Variants in CBFA2T3 observed in about 807,000 individuals in gnomAD.
CBFA2T3 encodes the protein CBFA2/RUNX1 partner transcriptional co-repressor 3, also known as transcriptional corepressor CBFA2T3.
Under a neutral mutation model 58.6 loss-of-function variants are expected in CBFA2T3, and 31 were observed. The observed-to-expected ratio is 0.53, with a 90% CI of 0.40 to 0.71. The LOEUF (loss-of-function observed/expected upper bound fraction) is 0.71. Among genes scored for constraint, CBFA2T3 ranks in the 30% least tolerant of loss-of-function variants. The probability of loss-of-function intolerance (pLI) is 0.00; values close to 1 mark genes in which losing one functional copy is unlikely to be tolerated. For missense variants in CBFA2T3, 1,076 were observed against 963.1 expected, an observed-to-expected ratio of 1.12 and a Z score of -1.55; for synonymous variants, 531 against 421.9, an observed-to-expected ratio of 1.26 and a Z score of -3.17.
Position 88,875,573 on chromosome 16 carries a change from CCG to C in CBFA2T3, c.*1401_*1402del, listed in dbSNP as rs1304207877. The C allele has an allele frequency of 1.0e-4, 24 of 233,280 alleles. No homozygotes were observed. Among genetic ancestry groups the C allele is most frequent in the African/African-American group, 5.3e-4 (24 of 45,110 alleles). The allele number at this position is 233,280 out of a possible 1,614,324, so 14.5% of individuals were successfully genotyped here. On this transcript the variant is annotated 3_prime_UTR_variant, in exon 12 of 12. Transcript: ENST00000268679. The stretch of plus-strand genomic sequence containing the variant: ...GAGTAGCTGCGGTGGGGCGATGGGG[CCG>C]AGAGGTTGGAGTTGGGGCGATGGGG...
chr16:88,909,620 T>A (rs1393214698), intron 1 of CBFA2T3, among the ~76,000 whole-genome samples: 1 of 152,186 alleles, frequency 6.6e-6, no homozygotes, highest in East Asian at 1.9e-4. Context: ...AACAGCTGTT[T>A]ATTTTCCTTC....
chr16:88,962,871 G>A (rs952219040), intron 1 of CBFA2T3, among the ~76,000 whole-genome samples: 6 of 152,214 alleles, frequency 3.9e-5, no homozygotes, highest in Non-Finnish European at 7.3e-5. Context: ...GAATTCCCAG[G>A]TCCACTCGGA....
chr16:88,968,499 G>A (rs546190877), intron 1 of CBFA2T3, among the ~76,000 whole-genome samples: 1 of 152,362 alleles, frequency 6.6e-6, no homozygotes, highest in Admixed American at 6.5e-5. Flanking sequence ...GGTGGGAGAA[G>A]CCCCTGGGGG....
intron 1 of CBFA2T3, among the ~76,000 whole-genome samples, chr16:88,972,226 G>C (rs1972672998): frequency 6.6e-6 from 1 of 152,168 alleles, no homozygotes; most frequent in Non-Finnish European, 1.5e-5. Context: ...GAGGGAGGGA[G>C]GGAGGTGCAC....
At chr16:88,893,743 GC>G (rs1298214883) in intron 3 of CBFA2T3, among the ~76,000 whole-genome samples, 3 of 152,238 alleles carry the variant, frequency 2.0e-5, no homozygotes, top group Non-Finnish European at 4.4e-5. Context: ...CAGACATGGG[GC>G]TGCTATGGAA....
At chr16:88,881,591 G>C in intron 8 of CBFA2T3, 102 bp from the exon 9 acceptor site, 1 of 1,220,932 alleles carries the variant, frequency 8.2e-7, no homozygotes, top group Non-Finnish European at 1.1e-6. Flanking sequence ...ATGGGTGCCC[G>C]ACCAGCCCAC....
rs1046115124 is a variant in CBFA2T3 at position 88,977,119 on chromosome 16, C to T, written c.-312G>A. 7 of 327,322 alleles carry T rather than the reference C, an allele frequency of 2.1e-5. No individual in the cohort carries two copies. The highest frequency in any genetic ancestry group is 9.2e-5 in the East Asian group (2 of 21,812). 20.3% of individuals were successfully genotyped at this position (327,322 alleles called of 1,614,324 possible). ...TGTGTCCCCGTGATAATGCCGGGGC[C>T]GGAGGCCTGCAGCTGCGCCCGCCAC... is the stretch of plus-strand genomic sequence containing the variant. On this transcript the variant is annotated 5_prime_UTR_variant, in exon 1 of 12. Transcript: ENST00000268679.
chr16:88,941,901 C>G (rs1567625335), intron 1 of CBFA2T3: 1 of 149,450 alleles, frequency 6.7e-6, no homozygotes, highest in Admixed American at 6.6e-5. Context: ...GGAGGTCGCT[C>G]CTTCGGCCGC....
chr16:88,880,583 C>A, intron 10 of CBFA2T3, 137 bp downstream of exon 10: 1 of 719,328 alleles, frequency 1.4e-6, no homozygotes, highest in Non-Finnish European at 2.3e-6. Flanking sequence ...GTGAGCCACA[C>A]AGCGGAATGC....
intron 5 of CBFA2T3, among the ~76,000 whole-genome samples, chr16:88,887,368 C>T (rs1484011349): frequency 6.6e-6 from 1 of 152,210 alleles, no homozygotes; most frequent in Non-Finnish European, 1.5e-5. Context: ...TCAGCCCCTC[C>T]CCAGGGGCCT....
At position 88,886,096 on chromosome 16, in the gene CBFA2T3, A is replaced by C; in HGVS notation, c.758T>G (p.Leu253Arg). The C allele has an allele frequency of 6.3e-7, 1 of 1,587,802 alleles. No individual in the cohort carries two copies. The highest frequency in any genetic ancestry group is 8.5e-7 in the Non-Finnish European group (1 of 1,174,456). Reference sequence around the variant, plus strand: ...GTACTGGGCGGGCGTCTGCTTGGCCAGGCGTGCACAGTGCAGGAGCTCCCG... The same window carrying C: ...GTACTGGGCGGGCGTCTGCTTGGCCCGGCGTGCACAGTGCAGGAGCTCCCG... ...LQRELLHCAR[L>R]AKQTPAQYLA... is the part of the protein sequence containing the mutation. The change falls in exon 6 of 12, where the codon CTG becomes CGG. Residue 253 changes from leucine to arginine, a missense_variant. Physicochemically the swap from Leu to Arg is moderately radical, Grantham distance 102 (BLOSUM62 -2). Coordinates refer to ENST00000268679, the MANE Select transcript of CBFA2T3 (RefSeq NM_005187.6).
At chr16:88,892,140 G>A (rs1023923041) in intron 4 of CBFA2T3, 104 bp downstream of exon 4, 37 of 1,450,706 alleles carry the variant, frequency 2.6e-5, no homozygotes, top group Non-Finnish European at 2.5e-5. Flanking sequence ...GTCCACGCCC[G>A]GTTGTCAGCG....
chr16:88,877,608 G>A (rs1006310254), intron 11 of CBFA2T3, among the ~76,000 whole-genome samples: 3 of 152,154 alleles, frequency 2.0e-5, no homozygotes, highest in Non-Finnish European at 4.4e-5. Flanking sequence ...GCCCCGGCAG[G>A]ATTGAGGCTG....
At chr16:88,917,439 C>T (rs1172489657) in intron 1 of CBFA2T3, among the ~76,000 whole-genome samples, 1 of 152,214 alleles carries the variant, frequency 6.6e-6, no homozygotes, top group Non-Finnish European at 1.5e-5. Context: ...CTCCCACGTG[C>T]AGGGCCTGCA....
At chr16:88,965,825 G>A (rs891569687) in intron 1 of CBFA2T3, among the ~76,000 whole-genome samples, 38 of 152,258 alleles carry the variant, frequency 2.5e-4, no homozygotes, top group African/African-American at 8.7e-4. Flanking sequence ...AGGGGAACTT[G>A]GCTTGTCAAA....
chr16:88,911,285 C>T (rs535760844), intron 1 of CBFA2T3, among the ~76,000 whole-genome samples: 10 of 152,322 alleles, frequency 6.6e-5, no homozygotes, highest in Admixed American at 1.3e-4. Flanking sequence ...GGCAACAGAG[C>T]GGGGCCAGGT....
At chr16:88,941,273 T>G in intron 1 of CBFA2T3, 1 of 667,150 alleles carries the variant, frequency 1.5e-6, no homozygotes, top group Non-Finnish European at 1.8e-6. Flanking sequence ...CGGGGCGGTC[T>G]CCGGCCTCCG....
At chr16:88,936,226 G>A (rs537873238) in intron 1 of CBFA2T3, among the ~76,000 whole-genome samples, 62 of 152,308 alleles carry the variant, frequency 4.1e-4, no homozygotes, top group African/African-American at 1.1e-3. Context: ...TGACTGCCCC[G>A]GGCATTTCCT....
intron 1 of CBFA2T3, among the ~76,000 whole-genome samples, chr16:88,906,949 C>G (rs1567598647): frequency 6.6e-6 from 1 of 152,332 alleles, no homozygotes; most frequent in Non-Finnish European, 1.5e-5. Context: ...GGGACGCTGG[C>G]TCGTACTGGA....
Sources: gnomAD v4.1 joint callset for allele counts (sites outside exome capture counted in the v4.1 genomes callset) on GRCh38, gnomAD v4.1.1 for gene constraint, MANE v1.5 for transcripts, NCBI Gene and HGNC (gene_info 2026-07-23, HGNC 2026-07-21) for gene names.